SCARA3: variants seen among roughly 807,000 people sequenced by gnomAD.
SCARA3 encodes the protein scavenger receptor class A member 3.
A neutral mutation model predicts 47.0 loss-of-function variants in SCARA3; 39 were observed. That is an observed-to-expected ratio of 0.83 (90% CI 0.64 to 1.08). The LOEUF (loss-of-function observed/expected upper bound fraction) is 1.08, where lower values mean the gene tolerates loss of function less well. Among genes scored for constraint, SCARA3 ranks in the 50% least tolerant of loss-of-function variants. SCARA3 has a pLI of 0.00. For synonymous variants in SCARA3, 356 were observed against 334.1 expected (o/e 1.07, Z -0.71); for missense variants, 724 against 792.3 (o/e 0.91, Z 1.04).
intron 1 of SCARA3, among the ~76,000 whole-genome samples, chr8:27,647,471 GA>G (rs1171678365): frequency 6.6e-6 from 1 of 152,208 alleles, no homozygotes; most frequent in East Asian, 1.9e-4. Context: ...GAACTGCTGG[GA>G]AGCCTAATAC....
At chr8:27,651,311 G>C (rs1008464686) in intron 2 of SCARA3, among the ~76,000 whole-genome samples, 197 bp from the exon 3 acceptor site, 1 of 152,312 alleles carries the variant, frequency 6.6e-6, no homozygotes, top group African/African-American at 2.4e-5. Context: ...GTCCTGACTC[G>C]GTCTCCTGCA....
Position 27,671,566 on chromosome 8 carries a change from G to C in SCARA3, c.*215G>C, listed in dbSNP as rs1802158244. 1.6e-6 allele frequency: 2 copies of C among 1,269,708 alleles called. No individual in the cohort carries two copies. The highest frequency in any genetic ancestry group is 2.0e-6 in the Non-Finnish European group (2 of 1,010,916). 78.7% of individuals were successfully genotyped at this position (1,269,708 alleles called of 1,614,324 possible). On this transcript the variant is annotated 3_prime_UTR_variant, in exon 6 of 6. Transcript: ENST00000301904. ...CATACATGTGCACATGCACACACAT[G>C]CATGCACACACATGCACACATACAC...
At chr8:27,642,192 A>C (rs1801396527) in intron 1 of SCARA3, among the ~76,000 whole-genome samples, 1 of 152,214 alleles carries the variant, frequency 6.6e-6, no homozygotes, top group South Asian at 2.1e-4. Context: ...CTAGTGTCCC[A>C]TAGGATATGT....
intron 1 of SCARA3, among the ~76,000 whole-genome samples, chr8:27,638,195 G>A (rs1040279511): frequency 1.3e-5 from 2 of 152,138 alleles, no homozygotes; most frequent in African/African-American, 4.8e-5. Context: ...GGATAGCTTG[G>A]CAGTTTCCGT....
At chr8:27,709,139 G>A in the SCARA3 span, among the ~76,000 whole-genome samples, 8 of 152,176 alleles carry the variant, frequency 5.3e-5, no homozygotes, top group African/African-American at 1.9e-4. Flanking sequence ...TTAATTAAAT[G>A]AACATAGTCT....
At chr8:27,676,500 C>T (rs200770606), downstream of SCARA3, 72 of 1,585,074 alleles carry the variant, frequency 4.5e-5, no homozygotes, top group African/African-American at 2.4e-4. Context: ...AGGTGTCCAA[C>T]GAAATCCCCT....
At chr8:27,692,396 G>A in the SCARA3 span, among the ~76,000 whole-genome samples, 1 of 149,120 alleles carries the variant, frequency 6.7e-6, no homozygotes, top group Non-Finnish European at 1.5e-5. Flanking sequence ...CTCCAGCCTG[G>A]GCAACAGGAG....
chr8:27,670,046 C>T (rs1464545816), intron 5 of SCARA3, among the ~76,000 whole-genome samples: 1 of 152,128 alleles, frequency 6.6e-6, no homozygotes, highest in Non-Finnish European at 1.5e-5. Flanking sequence ...CCCCTGTCCT[C>T]GGCACTAGAC....
chr8:27,648,466 T>C (rs1457016793), intron 1 of SCARA3, among the ~76,000 whole-genome samples: 1 of 152,030 alleles, frequency 6.6e-6, no homozygotes, highest in Non-Finnish European at 1.5e-5. Flanking sequence ...TAGCCGGGCG[T>C]GGTGGCGGGC....
chr8:27,726,613 T>C, the SCARA3 span, among the ~76,000 whole-genome samples: 1 of 151,716 alleles, frequency 6.6e-6, no homozygotes, highest in African/African-American at 2.4e-5. Context: ...GGCAGGAGAA[T>C]TGCTTGAAAC....
At chr8:27,634,625 C>G (rs1801210851) in intron 1 of SCARA3, among the ~76,000 whole-genome samples, 3 of 152,170 alleles carry the variant, frequency 2.0e-5, no homozygotes, top group Admixed American at 2.0e-4. Flanking sequence ...GGGGGCCAGG[C>G]CTAGGATTCT....
At chr8:27,710,419 C>T in the SCARA3 span, among the ~76,000 whole-genome samples, 1 of 152,250 alleles carries the variant, frequency 6.6e-6, no homozygotes, top group East Asian at 1.9e-4. Context: ...CATACATTAC[C>T]TCAGACATGT....
downstream of SCARA3, among the ~76,000 whole-genome samples, chr8:27,675,192 C>A (rs1407813274): frequency 6.6e-6 from 1 of 152,188 alleles, no homozygotes; most frequent in Non-Finnish European, 1.5e-5. Context: ...AGCCTTCTGC[C>A]GTCCCTCCAA....
chr8:27,649,856 C>T, intron 2 of SCARA3, 56 bp downstream of exon 2: 1 of 1,458,354 alleles, frequency 6.9e-7, no homozygotes. Context: ...ATCCCTGTCT[C>T]CATCCCCAGG....
At chr8:27,665,058 G>A (rs1285472874) in intron 5 of SCARA3, among the ~76,000 whole-genome samples, 8 of 152,174 alleles carry the variant, frequency 5.3e-5, no homozygotes, top group Non-Finnish European at 1.2e-4. Context: ...AGCTGGCAAT[G>A]CGGTCTCCAC....
At chr8:27,661,034 C>A (rs1585290830) in intron 5 of SCARA3, among the ~76,000 whole-genome samples, 1 of 152,258 alleles carries the variant, frequency 6.6e-6, no homozygotes, top group East Asian at 1.9e-4. Context: ...AGGCTCAGCT[C>A]TTTTTTCCAT....
chr8:27,641,740 G>A (rs999639861), intron 1 of SCARA3, among the ~76,000 whole-genome samples: 3 of 152,190 alleles, frequency 2.0e-5, no homozygotes, highest in African/African-American at 4.8e-5. Flanking sequence ...AGATGGAACA[G>A]CAATAAGCCT....
chr8:27,672,189 A>G lies in SCARA3; in HGVS notation c.*838A>G. 1.0e-6 allele frequency: 1 copy of G among 985,442 alleles called. No homozygotes were observed. The highest frequency in any genetic ancestry group is 1.2e-6 in the Non-Finnish European group (1 of 829,948). The allele number at this position is 985,442 out of a possible 1,614,324, so 61.0% of individuals were successfully genotyped here. A position where few individuals can be genotyped will look rare whatever the true frequency, so the allele number is the denominator to read the frequency against. On this transcript the variant is annotated 3_prime_UTR_variant, in exon 6 of 6. Coordinates refer to ENST00000301904, the MANE Select transcript of SCARA3 (RefSeq NM_016240.3). ...CGAGGCTGACATTCTCTGGCCTTGC[A>G]CACAGTGCCCCCTGAGAAGTTCAAC...
At chr8:27,663,687 A>C (rs1366998128) in intron 5 of SCARA3, among the ~76,000 whole-genome samples, 1 of 152,142 alleles carries the variant, frequency 6.6e-6, no homozygotes, top group Non-Finnish European at 1.5e-5. Flanking sequence ...GGAGAATGGG[A>C]GGGCTGCTTC....
Sources: allele counts gnomAD v4.1 joint callset (sites outside exome capture counted in the v4.1 genomes callset), GRCh38; gene constraint gnomAD v4.1.1; transcripts MANE v1.5; gene names NCBI Gene and HGNC (gene_info 2026-07-23, HGNC 2026-07-21).